The following SPATA7 variants were observed in gnomAD, a reference collection of about 807,000 sequenced individuals.
SPATA7 encodes spermatogenesis-associated protein 7.
Under a neutral mutation model 51.8 loss-of-function variants are expected in SPATA7, and 43 were observed. The ratio of observed to expected loss-of-function variants is 0.83; its 90% confidence interval spans 0.65 to 1.07. SPATA7 has a LOEUF of 1.07. Ranked by LOEUF, SPATA7 falls within the 50% of genes least tolerant of loss-of-function variation. SPATA7 has a pLI of 0.00. For missense variants in SPATA7, 683 were observed against 701.3 expected, an observed-to-expected ratio of 0.97 and a Z score of 0.30; for synonymous variants, 230 against 252.8, an observed-to-expected ratio of 0.91 and a Z score of 0.86.
intron 4 of SPATA7, among the ~76,000 whole-genome samples, chr14:88,396,888 T>TTTTTTA (rs2075897933): frequency 6.6e-6 from 1 of 151,052 alleles, no homozygotes. Flanking sequence ...TTTTTTTTTT[T>TTTTTTA]GAGACAGGGT....
chr14:88,447,595 T>C (rs2077223279), intron 3 of SPATA7, among the ~76,000 whole-genome samples: 1 of 152,154 alleles, frequency 6.6e-6, no homozygotes, highest in Non-Finnish European at 1.5e-5. Flanking sequence ...GTCTTTACAT[T>C]TTGGCATGAT....
intron 4 of SPATA7, among the ~76,000 whole-genome samples, chr14:88,412,241 G>A (rs1458790950): frequency 1.4e-5 from 2 of 142,808 alleles, no homozygotes; most frequent in Non-Finnish European, 3.0e-5. Context: ...TTTTTTTTAA[G>A]TTCCTCATAG....
In SPATA7 at chr14:88,462,599, G is replaced by A. The variant is rs552140234; in HGVS notation, c.255-7248G>A. Among the ~76,000 whole-genome samples the A allele has an allele frequency of 1.4e-3, 208 of 152,288 alleles. 1 individual carries two copies. The highest frequency in any genetic ancestry group is 2.6e-3 in the Admixed American group (40 of 15,288). On this transcript the variant is annotated intron_variant, in intron 4 of 4. Transcript: ENST00000556406. ...TACACACTTTAAAAACCACCTACCA[G>A]TTCAGTTAAAATTGTAGGTCTATTA...
rs533397975 is a variant in SPATA7 at position 88,464,747 on chromosome 14, TC to T, written c.255-5099del. ...TCCGTCTCAAAAAAGAAAAAAAAAG[TC>T]TTATTTACAATAATTTCCTGTTTCC... On this transcript the variant is annotated intron_variant, in intron 4 of 4. Transcript: ENST00000556406. Among the ~76,000 whole-genome samples, 325 of 147,538 alleles carry T rather than the reference TC, an allele frequency of 2.2e-3. 1 individual carries two copies. Among genetic ancestry groups the T allele is most frequent in the African/African-American group, 8.5e-3 (314 of 37,074 alleles).
downstream of SPATA7, among the ~76,000 whole-genome samples, chr14:88,456,060 A>C (rs1297395178): frequency 6.6e-6 from 1 of 152,016 alleles, no homozygotes; most frequent in Non-Finnish European, 1.5e-5. Flanking sequence ...TGAACTCATC[A>C]TTTTTTATGG....
chr14:88,443,285 G>A (rs2077190097), downstream of SPATA7, among the ~76,000 whole-genome samples: 1 of 152,024 alleles, frequency 6.6e-6, no homozygotes, highest in African/African-American at 2.4e-5. Flanking sequence ...CAATCTCACT[G>A]CTCGTTATTG....
At chr14:88,435,632 T>C (rs1219881277) in intron 10 of SPATA7, among the ~76,000 whole-genome samples, 1 of 152,140 alleles carries the variant, frequency 6.6e-6, no homozygotes, top group Non-Finnish European at 1.5e-5. Context: ...TGCCCATGAG[T>C]TCAATTGTTT....
In SPATA7 at chr14:88,391,454, T is replaced by A. The variant is rs779315409; in HGVS notation, c.93T>A (p.Asn31Lys). Reference protein sequence around the residue: ...LFKGHLSTKSNAFCTDSSSLR... With the variant: ...LFKGHLSTKSKAFCTDSSSLR... Reference sequence around the variant, plus strand: ...AAGGACACTTGAGCACCAAAAGTAATGGTAAGTGAGGTGCTTAAAACGGCA... The same window carrying A: ...AAGGACACTTGAGCACCAAAAGTAAAGGTAAGTGAGGTGCTTAAAACGGCA... The change falls in exon 2 of 12, where the codon AAT becomes AAA. Residue 31 changes from asparagine to lysine, a missense_variant and splice_region_variant. Transcript: ENST00000393545. 1.2e-5 allele frequency: 20 copies of A among 1,613,148 alleles called. No individual in the cohort carries two copies. The highest frequency in any genetic ancestry group is 1.6e-5 in the Non-Finnish European group (19 of 1,179,426).
downstream of SPATA7, among the ~76,000 whole-genome samples, chr14:88,455,570 A>G (rs1039620794): frequency 6.6e-6 from 1 of 151,630 alleles, no homozygotes; most frequent in Admixed American, 6.5e-5. Flanking sequence ...TTGCCCATTA[A>G]ATATACACAC....
At chr14:88,457,426 G>A (rs1217708794), downstream of SPATA7, among the ~76,000 whole-genome samples, 1 of 152,142 alleles carries the variant, frequency 6.6e-6, no homozygotes, top group Non-Finnish European at 1.5e-5. Context: ...AGTTCTCCTT[G>A]AAGAGGTTCT....
chr14:88,439,462 G>C (rs1266216785), downstream of SPATA7, among the ~76,000 whole-genome samples: 1 of 152,016 alleles, frequency 6.6e-6, no homozygotes, highest in African/African-American at 2.4e-5. Context: ...GAATATTTGT[G>C]TGCCCATTAT....
chr14:88,438,068 C>A lies in SPATA7; in HGVS notation c.1446C>A (p.Asn482Lys), dbSNP rs766017194. ...DMLLSAPKDE[N>K]EIFPSPTEFF... ...TATTGTCGGCACCAAAGGATGAGAA[C>A]GAGATATTCCCTTCACCAACTGAAT... Residue 482 changes from asparagine to lysine, a missense_variant, in exon 12 of 12, where the codon AAC (asparagine) becomes AAA (lysine). By Grantham distance (94) the Asn-to-Lys change is moderately conservative (BLOSUM62 0). Transcript: ENST00000393545. The A allele has an allele frequency of 1.2e-6, 2 of 1,614,030 alleles. No homozygotes were observed. The highest frequency in any genetic ancestry group is 1.7e-6 in the Non-Finnish European group (2 of 1,179,992).
intron 4 of SPATA7, chr14:88,466,931 A>G (rs2077373467): frequency 6.6e-6 from 1 of 152,138 alleles, no homozygotes; most frequent in Non-Finnish European, 1.5e-5. Context: ...TTTTAATGAT[A>G]CTATAATGCT....
chr14:88,429,326 AT>A (rs752520496), intron 7 of SPATA7, 21 bp from the exon 8 acceptor site: 17 of 1,444,862 alleles, frequency 1.2e-5, no homozygotes, highest in Middle Eastern at 1.7e-4. Flanking sequence ...AAAAATAAAT[AT>A]TTTTTTTATT....
At chr14:88,436,864 C>T (rs1463754446) in intron 10 of SPATA7, among the ~76,000 whole-genome samples, 2 of 152,042 alleles carry the variant, frequency 1.3e-5, no homozygotes, top group Non-Finnish European at 2.9e-5. Flanking sequence ...AACATGATTC[C>T]ACCAGTTTTG....
chr14:88,427,800 G>C, intron 7 of SPATA7, 104 bp downstream of exon 7: 2 of 867,784 alleles, frequency 2.3e-6, no homozygotes, highest in Non-Finnish European at 3.8e-6. Context: ...TAATCTGTTG[G>C]TGGCACTTAT....
chr14:88,452,136 T>A (rs1283084942), intron 3 of SPATA7, among the ~76,000 whole-genome samples: 1 of 152,196 alleles, frequency 6.6e-6, no homozygotes, highest in Non-Finnish European at 1.5e-5. Context: ...TGCTCTCCCC[T>A]TTTCCCTAGG....
chr14:88,389,843 A>G (rs1005379105), intron 1 of SPATA7, among the ~76,000 whole-genome samples: 1 of 152,228 alleles, frequency 6.6e-6, no homozygotes, highest in Non-Finnish European at 1.5e-5. Context: ...TCTGTGACCT[A>G]TAGTGAAACA....
chr14:88,417,552 C>T (rs2076518571), intron 5 of SPATA7, among the ~76,000 whole-genome samples: 2 of 152,038 alleles, frequency 1.3e-5, no homozygotes, highest in Admixed American at 6.6e-5. Context: ...GTGATCTGCC[C>T]ACCTCGGCCT....
Sources: gnomAD v4.1 joint callset for allele counts (sites outside exome capture counted in the v4.1 genomes callset) on GRCh38, gnomAD v4.1.1 for gene constraint, MANE v1.5 for transcripts, NCBI Gene and HGNC (gene_info 2026-07-23, HGNC 2026-07-21) for gene names.